Variants in EHBP1 observed in about 807,000 individuals in gnomAD.
The protein encoded by EHBP1 is EH domain binding protein 1.
EHBP1 carries 55 observed loss-of-function variants against 144.0 expected under a neutral mutation model. That is an observed-to-expected ratio of 0.38 (90% CI 0.31 to 0.48). The LOEUF is 0.48. Among genes scored for constraint, EHBP1 ranks in the 20% least tolerant of loss-of-function variants. The probability of loss-of-function intolerance (pLI) is 0.98; values close to 1 mark genes in which losing one functional copy is unlikely to be tolerated. For synonymous variants in EHBP1, 469 were observed against 472.7 expected, an observed-to-expected ratio of 0.99 and a Z score of 0.10; for missense variants, 1,200 against 1,364.2, an observed-to-expected ratio of 0.88 and a Z score of 1.90.
chr2:62,710,803 A>G (rs112475093), intron 2 of EHBP1, among the ~76,000 whole-genome samples: 181 of 152,312 alleles, frequency 1.2e-3, no homozygotes, highest in African/African-American at 3.9e-3. Flanking sequence ...CCAATTAGAC[A>G]TTAAGAAGAC....
intron 10 of EHBP1, among the ~76,000 whole-genome samples, chr2:62,877,568 A>G (rs2050999060): frequency 6.6e-6 from 1 of 152,218 alleles, no homozygotes; most frequent in African/African-American, 2.4e-5. Context: ...CACATGGTAC[A>G]TACTCCAAAA....
intron 5 of EHBP1, among the ~76,000 whole-genome samples, chr2:62,807,275 T>C (rs1255902505): frequency 2.0e-5 from 3 of 152,198 alleles, no homozygotes; most frequent in Non-Finnish European, 4.4e-5. Flanking sequence ...TGGCTGGGCG[T>C]GGTGGCTTAT....
chr2:63,016,690 CA>C (rs1405744115), intron 19 of EHBP1, among the ~76,000 whole-genome samples: 1 of 152,138 alleles, frequency 6.6e-6, no homozygotes, highest in Non-Finnish European at 1.5e-5. Flanking sequence ...CTCAGCCTCC[CA>C]AAGTGCTGGG....
chr2:62,781,592 T>C (rs2042427272), intron 5 of EHBP1, among the ~76,000 whole-genome samples: 1 of 152,224 alleles, frequency 6.6e-6, no homozygotes, highest in African/African-American at 2.4e-5. Context: ...GATAGTTGTC[T>C]GCATTGGATT....
intron 2 of EHBP1, among the ~76,000 whole-genome samples, chr2:62,745,576 T>C (rs2039079259): frequency 6.6e-6 from 1 of 152,036 alleles, no homozygotes; most frequent in African/African-American, 2.4e-5. Flanking sequence ...GGGTTGGTTA[T>C]AGAGCAAGAT....
intron 13 of EHBP1, among the ~76,000 whole-genome samples, chr2:62,954,798 A>T (rs920223266): frequency 6.6e-5 from 10 of 152,152 alleles, no homozygotes; most frequent in Non-Finnish European, 1.3e-4. Context: ...ATCTAAAGCC[A>T]GAAGTTGGTT....
intron 12 of EHBP1, among the ~76,000 whole-genome samples, 182 bp from the exon 13 acceptor site, chr2:62,948,078 C>G (rs1558961628): frequency 6.6e-6 from 1 of 152,052 alleles, no homozygotes; most frequent in African/African-American, 2.4e-5. Flanking sequence ...ATTTATTACA[C>G]TTTTTTCTCT....
intron 8 of EHBP1, among the ~76,000 whole-genome samples, chr2:62,860,444 C>A (rs1195805621): frequency 6.6e-6 from 1 of 152,028 alleles, no homozygotes; most frequent in East Asian, 1.9e-4. Flanking sequence ...TGACCAAGAT[C>A]GCGCCATTGC....
intron 10 of EHBP1, among the ~76,000 whole-genome samples, chr2:62,933,005 C>A (rs2056123258): frequency 6.8e-6 from 1 of 146,760 alleles, no homozygotes; most frequent in Non-Finnish European, 1.5e-5. Context: ...TATTTTACTA[C>A]AATAAAAAGA....
intron 10 of EHBP1, among the ~76,000 whole-genome samples, chr2:62,888,778 T>C (rs1198163129): frequency 6.6e-6 from 1 of 152,102 alleles, no homozygotes; most frequent in Non-Finnish European, 1.5e-5. Context: ...TCACCTTTAC[T>C]ACATGAAAAA....
upstream of EHBP1, among the ~76,000 whole-genome samples, chr2:62,703,435 T>C (rs757780883): frequency 1.3e-5 from 2 of 152,128 alleles, no homozygotes; most frequent in Non-Finnish European, 1.5e-5. Context: ...TATTCTTCAA[T>C]AAATTTAGTT....
intron 10 of EHBP1, among the ~76,000 whole-genome samples, chr2:62,891,510 A>C (rs1057051764): frequency 6.6e-6 from 1 of 152,172 alleles, no homozygotes; most frequent in African/African-American, 2.4e-5. Flanking sequence ...AAATACCTTA[A>C]TATTCCTTTT....
chr2:62,897,908 A>C (rs2053072367), intron 10 of EHBP1, among the ~76,000 whole-genome samples: 1 of 152,212 alleles, frequency 6.6e-6, no homozygotes, highest in African/African-American at 2.4e-5. Flanking sequence ...TGTAGTATCC[A>C]CAAGCTACAC....
At chr2:62,919,985 G>T (rs569234639) in intron 10 of EHBP1, among the ~76,000 whole-genome samples, 1 of 152,258 alleles carries the variant, frequency 6.6e-6, no homozygotes, top group South Asian at 2.1e-4. Context: ...TAAAGTACCT[G>T]TGAGACACCA....
chr2:62,882,751 G>A lies in EHBP1; in HGVS notation c.1185+8219G>A, dbSNP rs564174127. Reference sequence around the variant, plus strand: ...TACAAAATTAGCCAGGTGTGGTGGCGCATGCCTGTAATCCCAGCTACTCAG... The same window carrying A: ...TACAAAATTAGCCAGGTGTGGTGGCACATGCCTGTAATCCCAGCTACTCAG... On this transcript the variant is annotated intron_variant, in intron 10 of 22. Coordinates refer to ENST00000431489, the MANE Select transcript of EHBP1 (RefSeq NM_001142616.3). Among the ~76,000 whole-genome samples, 120 of 152,182 alleles carry A rather than the reference G, an allele frequency of 7.9e-4. 1 individual carries two copies. Among genetic ancestry groups the A allele is most frequent in the African/African-American group, 2.6e-3 (109 of 41,516 alleles).
chr2:62,679,663 A>G (rs2151725938), intron 1 of EHBP1, among the ~76,000 whole-genome samples: 1 of 152,340 alleles, frequency 6.6e-6, no homozygotes, highest in Middle Eastern at 3.4e-3. Flanking sequence ...CAACGGTAAT[A>G]AAAGACTTAA....
chr2:62,867,523 G>A (rs925777632), intron 9 of EHBP1, among the ~76,000 whole-genome samples: 3 of 152,052 alleles, frequency 2.0e-5, no homozygotes, highest in African/African-American at 7.2e-5. Context: ...TTTGAACAAA[G>A]ATGTGCAATA....
intron 5 of EHBP1, among the ~76,000 whole-genome samples, chr2:62,783,113 T>TA (rs2042558458): frequency 6.6e-6 from 1 of 152,164 alleles, no homozygotes; most frequent in Non-Finnish European, 1.5e-5. Flanking sequence ...CATTAAACCT[T>TA]AAAGTTCCAA....
intron 4 of EHBP1, among the ~76,000 whole-genome samples, chr2:62,771,040 C>A (rs2041620216): frequency 6.6e-6 from 1 of 151,960 alleles, no homozygotes; most frequent in Admixed American, 6.6e-5. Flanking sequence ...GGGAGAGGAG[C>A]AGGAAGAATA....
Sources: gnomAD v4.1 joint callset for allele counts (sites outside exome capture counted in the v4.1 genomes callset) on GRCh38, gnomAD v4.1.1 for gene constraint, MANE v1.5 for transcripts, NCBI Gene and HGNC (gene_info 2026-07-23, HGNC 2026-07-21) for gene names.